Variants in FAM167A observed in about 807,000 individuals in gnomAD.
FAM167A encodes protein FAM167A.
A neutral mutation model predicts 14.9 loss-of-function variants in FAM167A; 23 were observed. That is an observed-to-expected ratio of 1.55 (90% CI 1.11 to 2.19). The LOEUF (loss-of-function observed/expected upper bound fraction) is 2.19. Ranked by LOEUF, FAM167A falls within the 30% of genes most tolerant of loss-of-function variation. The pLI is 0.00. For synonymous variants in FAM167A, 174 were observed against 117.7 expected (o/e 1.48, Z -3.10); for missense variants, 401 against 281.5 (o/e 1.42, Z -3.04).
At position 11,473,234 on chromosome 8, in the gene FAM167A, A is replaced by T. The variant is rs78607118; in HGVS notation, c.-398+2632T>A. 5.6e-3 allele frequency among the ~76,000 whole-genome samples: 858 copies of T among 152,312 alleles called. 6 individuals are homozygous for T. The highest frequency in any genetic ancestry group is 0.02 in the African/African-American group (841 of 41,558). Reference sequence around the variant, plus strand: ...TTTCATCTCCATCGGCCAATCCCTGATGATACCTTGAGAAACCAAGGTGCA... The same window carrying T: ...TTTCATCTCCATCGGCCAATCCCTGTTGATACCTTGAGAAACCAAGGTGCA... On this transcript the variant is annotated intron_variant, in intron 1 of 1. Transcript: ENST00000648766.
intron 1 of FAM167A, among the ~76,000 whole-genome samples, chr8:11,453,750 G>A (rs1807119037): frequency 6.6e-6 from 1 of 151,934 alleles, no homozygotes; most frequent in African/African-American, 2.4e-5. Context: ...TCTTGGTTCT[G>A]TGCTGTCCTA....
chr8:11,428,847 C>G (rs903581825), intron 2 of FAM167A, among the ~76,000 whole-genome samples: 1 of 152,140 alleles, frequency 6.6e-6, no homozygotes, highest in African/African-American at 2.4e-5. Flanking sequence ...ATTAGGAGGT[C>G]ACTCTGCTGT....
At chr8:11,425,201 A>T (rs1206104113) in intron 2 of FAM167A, among the ~76,000 whole-genome samples, 1 of 152,232 alleles carries the variant, frequency 6.6e-6, no homozygotes, top group Non-Finnish European at 1.5e-5. Context: ...TGGGTGTTTT[A>T]TTATGAAACA....
upstream of FAM167A, among the ~76,000 whole-genome samples, chr8:11,470,967 C>A (rs1807943160): frequency 6.6e-6 from 1 of 152,206 alleles, no homozygotes; most frequent in Non-Finnish European, 1.5e-5. Context: ...AGCTTTCTGT[C>A]TTCTAGGGAA....
intron 2 of FAM167A, among the ~76,000 whole-genome samples, chr8:11,428,479 G>C (rs1401079277): frequency 6.6e-6 from 1 of 152,238 alleles, no homozygotes; most frequent in Non-Finnish European, 1.5e-5. Context: ...GAGAAAGAAA[G>C]CTGCAGCTTC....
intron 2 of FAM167A, chr8:11,443,715 G>C (rs972764788): frequency 3.6e-6 from 1 of 280,594 alleles, no homozygotes. Flanking sequence ...CACCCCAGGA[G>C]CCAGACTCCA....
At chr8:11,468,656 C>G (rs1807860852), upstream of FAM167A, among the ~76,000 whole-genome samples, 1 of 152,212 alleles carries the variant, frequency 6.6e-6, no homozygotes, top group African/African-American at 2.4e-5. Context: ...GTGCCCATGG[C>G]CCTGGCACGT....
chr8:11,435,682 C>T (rs1031064764), intron 2 of FAM167A, among the ~76,000 whole-genome samples: 1 of 152,206 alleles, frequency 6.6e-6, no homozygotes, highest in South Asian at 2.1e-4. Flanking sequence ...GCCCCTGGTT[C>T]AAAGTCCTTC....
intron 2 of FAM167A, among the ~76,000 whole-genome samples, chr8:11,442,325 C>A (rs766519535): frequency 2.9e-4 from 44 of 152,124 alleles, no homozygotes; most frequent in Non-Finnish European, 5.0e-4. Flanking sequence ...GTTATCACCC[C>A]CAGACATTCA....
At chr8:11,438,239 C>A (rs756769269) in intron 2 of FAM167A, 1 of 422,244 alleles carries the variant, frequency 2.4e-6, no homozygotes, top group South Asian at 1.7e-5. Flanking sequence ...GATCCTCCAA[C>A]TCCCTTCTCC....
At chr8:11,466,577 C>G (rs1267366439) in intron 1 of FAM167A, 49 bp downstream of exon 1, 1 of 152,528 alleles carries the variant, frequency 6.6e-6, no homozygotes, top group Non-Finnish European at 1.5e-5. Flanking sequence ...CCCGCCGCGG[C>G]CACACCTCCC....
At chr8:11,440,306 G>A (rs1189359638) in intron 2 of FAM167A, among the ~76,000 whole-genome samples, 1 of 152,230 alleles carries the variant, frequency 6.6e-6, no homozygotes, top group East Asian at 1.9e-4. Context: ...GAGGCTTGGA[G>A]GATCTCCATC....
rs190494958 is a variant in FAM167A, at chr8:11,433,374, C to T, written c.382-8738G>A. Among the ~76,000 whole-genome samples the T allele has an allele frequency of 5.9e-5, 9 of 152,104 alleles. No individual in the cohort carries two copies. The East Asian group carries it at 1.5e-3, about 26-fold the overall frequency. On this transcript the variant is annotated intron_variant, in intron 2 of 2. Coordinates refer to ENST00000284486, the MANE Select transcript of FAM167A (RefSeq NM_053279.3). Reference sequence around the variant, plus strand: ...TCCCCTTTCCAACAAAAGTCTTACCCGAAACCCTATTAATAGTTTGTCTTT... The same window carrying T: ...TCCCCTTTCCAACAAAAGTCTTACCTGAAACCCTATTAATAGTTTGTCTTT...
At chr8:11,449,295 C>G (rs1585265877) in intron 1 of FAM167A, among the ~76,000 whole-genome samples, 1 of 152,224 alleles carries the variant, frequency 6.6e-6, no homozygotes, top group Admixed American at 6.5e-5. Context: ...GACGTGACAG[C>G]AGAAAAGCTT....
At chr8:11,442,886 G>A (rs148322711) in intron 2 of FAM167A, among the ~76,000 whole-genome samples, 233 of 152,304 alleles carry the variant, frequency 1.5e-3, no homozygotes, top group African/African-American at 5.4e-3. Context: ...CAATTAATCA[G>A]TCAGATCCCT....
At chr8:11,452,765 G>A (rs1289349460) in intron 1 of FAM167A, among the ~76,000 whole-genome samples, 1 of 152,156 alleles carries the variant, frequency 6.6e-6, no homozygotes, top group Admixed American at 6.5e-5. Context: ...CAGAAAAAAG[G>A]GTGCTTTATT....
At chr8:11,432,031 G>A (rs1043282768) in intron 2 of FAM167A, among the ~76,000 whole-genome samples, 7 of 151,962 alleles carry the variant, frequency 4.6e-5, no homozygotes, top group South Asian at 4.1e-4. Context: ...TGTGCATTTG[G>A]GAAAGGCAGC....
chr8:11,421,741 C>T lies in FAM167A; in HGVS notation c.*2632G>A, dbSNP rs1240234146. On this transcript the variant is annotated 3_prime_UTR_variant, in exon 3 of 3. Coordinates refer to ENST00000284486, the MANE Select transcript of FAM167A (RefSeq NM_053279.3). ...CATGGCAGTGTCGGTGGAGAGTTTG[C>T]GTTTTACACCCAGCGATGCTTGGGG... is the stretch of plus-strand genomic sequence containing the variant. The T allele has an allele frequency of 7.5e-6, 3 of 398,804 alleles. No individual in the cohort carries two copies. The highest frequency in any genetic ancestry group is 1.3e-5 in the Non-Finnish European group (3 of 226,092). The allele number at this position is 398,804 out of a possible 1,614,324, so 24.7% of individuals were successfully genotyped here.
chr8:11,469,070 A>G (rs979604490), upstream of FAM167A, among the ~76,000 whole-genome samples: 3 of 152,256 alleles, frequency 2.0e-5, no homozygotes, highest in Non-Finnish European at 4.4e-5. Flanking sequence ...TAATATTCTC[A>G]AAAGCTATTT....
Sources: gnomAD v4.1 joint callset for allele counts (sites outside exome capture counted in the v4.1 genomes callset) on GRCh38, gnomAD v4.1.1 for gene constraint, MANE v1.5 for transcripts, NCBI Gene and HGNC (gene_info 2026-07-23, HGNC 2026-07-21) for gene names.